SZT2: variants seen among roughly 807,000 people sequenced by gnomAD.
SZT2 encodes SZT2 subunit of KICSTOR complex, also known as KICSTOR complex protein SZT2.
A neutral mutation model predicts 404.2 loss-of-function variants in SZT2; 216 were observed. The observed-to-expected ratio is 0.53, with a 90% CI of 0.48 to 0.60. SZT2 has a LOEUF of 0.60. SZT2 is among the 20% of genes least tolerant of loss of function. The probability of loss-of-function intolerance (pLI) is 0.00; values close to 1 mark genes in which losing one functional copy is unlikely to be tolerated. For missense variants in SZT2, 3,857 were observed against 4,459.2 expected (o/e 0.86, Z 3.85); for synonymous variants, 1,693 against 1,749.9 (o/e 0.97, Z 0.81).
chr1:43,437,068 A>C lies in SZT2; in HGVS notation c.6035-103A>C, dbSNP rs1654532995. 15 of 1,414,108 alleles carry C rather than the reference A, an allele frequency of 1.1e-5. No homozygotes were observed. Among genetic ancestry groups the C allele is most frequent in the Admixed American group, 3.8e-5 (2 of 53,074 alleles). The allele number at this position is 1,414,108 out of a possible 1,614,324, so 87.6% of individuals were successfully genotyped here. On this transcript the variant is annotated intron_variant, in intron 42 of 71. Coordinates refer to ENST00000634258, the MANE Select transcript of SZT2 (RefSeq NM_001365999.1). The surrounding 1 kb of genome is among the most constrained non-coding windows in gnomAD (Gnocchi z 5.3). ...CATTTCTCTGCAATAGTCAGGGATG[A>C]GTCTGGAGGAGTGAGGACAAGTAGG...
At position 43,451,421 on chromosome 1, in the gene SZT2, TACTC is replaced by T. The variant is rs762283123; in HGVS notation, c.*944_*947del. On this transcript the variant is annotated 3_prime_UTR_variant, in exon 72 of 72. Transcript: ENST00000634258. ...GGGCCACGCCTCACCTCGAGGCTGA[TACTC>T]ACAGCCCACGAAGCCTTTGTAGCCT... is the stretch of plus-strand genomic sequence containing the variant. 62 of 1,613,104 alleles carry T rather than the reference TACTC, an allele frequency of 3.8e-5. No homozygotes were observed. The highest frequency in any genetic ancestry group is 6.7e-5 in the East Asian group (3 of 44,886).
intron 27 of SZT2, 26 bp from the exon 28 acceptor site, chr1:43,428,214 C>G: frequency 5.6e-6 from 9 of 1,614,026 alleles, no homozygotes; most frequent in Non-Finnish European, 7.6e-6. Flanking sequence ...GAGCTCAAGC[C>G]TCATGGCCCC....
chr1:43,395,206 C>T (rs577605525), intron 1 of SZT2, among the ~76,000 whole-genome samples: 4 of 152,226 alleles, frequency 2.6e-5, no homozygotes, highest in Non-Finnish European at 5.9e-5. Context: ...TCTCTCCTCA[C>T]TTAACAAACC....
chr1:43,422,285 G>A (rs1217137926), intron 12 of SZT2, 60 bp downstream of exon 12: 5 of 1,522,804 alleles, frequency 3.3e-6, no homozygotes, highest in East Asian at 2.3e-5. Flanking sequence ...GGGGGATAGG[G>A]AATGATGGGA....
Position 43,403,165 on chromosome 1 carries a change from C to T in SZT2, c.28-12C>T, listed in dbSNP as rs1472555870. 1 of 1,613,684 alleles carries T rather than the reference C, an allele frequency of 6.2e-7. No individual in the cohort carries two copies. Among genetic ancestry groups the T allele is most frequent in the African/African-American group, 1.3e-5 (1 of 75,018 alleles). ...ATTTTTTAAAGATGTATTAATGTCT[C>T]TTTGTTCCCAGGTGGAAGAAGCTGG... On this transcript the variant is annotated splice_polypyrimidine_tract_variant and intron_variant, in intron 1 of 71. Transcript: ENST00000634258.
In SZT2 at chr1:43,433,037, C is replaced by T. The variant is rs1570679912; in HGVS notation, c.5651C>T (p.Thr1884Ile). ...SGSDSEGPND[T>I]LGEKAPFTLR... is the part of the protein sequence containing the mutation. The stretch of plus-strand genomic sequence containing the variant: ...TCAGACAGTGAGGGTCCCAATGACA[C>T]CCTTGGTGAGAAGGCCCCCTTCACA... Residue 1884 changes from threonine to isoleucine, a missense_variant, in exon 40 of 72, where the codon ACC becomes ATC. This residue lies in a region of SZT2 where 1,725 missense variants were observed against 1,881.0 expected (regional missense o/e 0.92). Coordinates refer to ENST00000634258, the MANE Select transcript of SZT2 (RefSeq NM_001365999.1). 6 of 1,614,140 alleles carry T rather than the reference C, an allele frequency of 3.7e-6. No homozygotes were observed. Among genetic ancestry groups the T allele is most frequent in the African/African-American group, 1.3e-5 (1 of 75,044 alleles).
At position 43,420,437 on chromosome 1, in the gene SZT2, A is replaced by T. The variant is rs1423519461; in HGVS notation, c.1261+114A>T. The T allele has an allele frequency of 7.6e-7, 1 of 1,317,186 alleles. No homozygotes were observed. Among genetic ancestry groups the T allele is most frequent in the Admixed American group, 2.7e-5 (1 of 36,364 alleles). The allele number at this position is 1,317,186 out of a possible 1,614,324, so 81.6% of individuals were successfully genotyped here. A position where few individuals can be genotyped will look rare whatever the true frequency, so the allele number is the denominator to read the frequency against. The stretch of plus-strand genomic sequence containing the variant: ...GTCACATTGAAGTCCTTATCACTTG[A>T]GACAGTGGGTTTTGAATTGTCATCA... On this transcript the variant is annotated intron_variant, in intron 9 of 71. Coordinates refer to ENST00000634258, the MANE Select transcript of SZT2 (RefSeq NM_001365999.1). This position sits in a 1 kb window ranked among gnomAD's most constrained non-coding sequence, Gnocchi z 5.1.
chr1:43,434,203 A>G (rs575850033), intron 40 of SZT2, among the ~76,000 whole-genome samples, 183 bp from the exon 41 acceptor site: 2 of 152,216 alleles, frequency 1.3e-5, no homozygotes, highest in East Asian at 3.9e-4. Flanking sequence ...CGTCTCTTCC[A>G]TTTCCCACCA....
In SZT2 at chr1:43,451,664, C is replaced by T. The variant is rs2297686; in HGVS notation, c.*1184C>T. 4,539 of 1,614,166 alleles carry T rather than the reference C, an allele frequency of 2.8e-3. 86 individuals carry two copies. In the East Asian group the frequency reaches 0.045, roughly 16 times the overall value. Reference sequence around the variant, plus strand: ...TCCTCTCACCAACAATGGGCAGGAACTCCCGGATGTTTCCTGTCAGGTTCC... The same window carrying T: ...TCCTCTCACCAACAATGGGCAGGAATTCCCGGATGTTTCCTGTCAGGTTCC... On this transcript the variant is annotated 3_prime_UTR_variant, in exon 72 of 72. Coordinates refer to ENST00000634258, the MANE Select transcript of SZT2 (RefSeq NM_001365999.1).
At chr1:43,449,847 G>A (rs568045261) in intron 70 of SZT2, 127 of 578,014 alleles carry the variant, frequency 2.2e-4, no homozygotes, top group Non-Finnish European at 3.7e-4. Context: ...ATTGGCTTCA[G>A]TGTGCCAGGC....
chr1:43,452,752 G>C lies in SZT2; in HGVS notation c.*2272G>C. The C allele has an allele frequency of 1.3e-6, 1 of 754,166 alleles. No individual in the cohort carries two copies. The highest frequency in any genetic ancestry group is 2.2e-5 in the Admixed American group (1 of 45,522). The allele number at this position is 754,166 out of a possible 1,614,324, so 46.7% of individuals were successfully genotyped here. ...GACCAGTAGTGATCCCCTCTTGCCA[G>C]TTCCTTCTGAGCCTGTTTGGCCTCT... On this transcript the variant is annotated 3_prime_UTR_variant, in exon 72 of 72. Coordinates refer to ENST00000634258, the MANE Select transcript of SZT2 (RefSeq NM_001365999.1).
At chr1:43,431,123 C>T (rs1557568899) in intron 33 of SZT2, 33 bp downstream of exon 33, 1 of 1,608,148 alleles carries the variant, frequency 6.2e-7, no homozygotes, top group Non-Finnish European at 8.5e-7. Flanking sequence ...GGGTTTGGGA[C>T]CTTTTTAGGG....
Position 43,404,363 on chromosome 1 carries a change from T to C in SZT2, c.328-17T>C. 1.2e-6 allele frequency: 2 copies of C among 1,604,420 alleles called. No individual in the cohort carries two copies. Among genetic ancestry groups the C allele is most frequent in the South Asian group, 1.1e-5 (1 of 89,844 alleles). ...GCTGCCTTTGGACCCCCTTGAGTGC[T>C]CTTTCTCTGCCCTCAGGATGATTCC... On this transcript the variant is annotated splice_polypyrimidine_tract_variant and intron_variant, in intron 3 of 71. Transcript: ENST00000634258.
intron 66 of SZT2, 105 bp downstream of exon 66, chr1:43,447,273 G>C: frequency 2.3e-6 from 3 of 1,300,508 alleles, no homozygotes; most frequent in Non-Finnish European, 3.2e-6. Flanking sequence ...GTCCCATGTT[G>C]TTAATCATCT....
At chr1:43,447,266 C>A in intron 66 of SZT2, 98 bp downstream of exon 66, 1 of 1,342,104 alleles carries the variant, frequency 7.5e-7, no homozygotes, top group Non-Finnish European at 1.0e-6. Context: ...ACAAGTGGTC[C>A]CATGTTGTTA....
Position 43,453,285 on chromosome 1 carries a change from G to A in SZT2, c.*2805G>A. 2.6e-6 allele frequency: 2 copies of A among 766,026 alleles called. No homozygotes were observed. The highest frequency in any genetic ancestry group is 5.4e-5 in the East Asian group (2 of 36,850). 47.5% of individuals were successfully genotyped at this position (766,026 alleles called of 1,614,324 possible). On this transcript the variant is annotated 3_prime_UTR_variant, in exon 72 of 72. Coordinates refer to ENST00000634258, the MANE Select transcript of SZT2 (RefSeq NM_001365999.1). ...ACCGCAGAGGCAGAGATAAACCAGT[G>A]GGCTCAGACTTCTGAGCGTCTCAGA... is the stretch of plus-strand genomic sequence containing the variant.
chr1:43,426,765 G>T lies in SZT2; in HGVS notation c.3265G>T (p.Val1089Phe), dbSNP rs1653198741. The change falls in exon 23 of 72, where the codon GTC (valine) becomes TTC (phenylalanine). Residue 1089 changes from valine to phenylalanine, a missense_variant. By Grantham distance (50) the Val-to-Phe change is conservative. Coordinates refer to ENST00000634258, the MANE Select transcript of SZT2 (RefSeq NM_001365999.1). The surrounding 1 kb of genome is among the most constrained non-coding windows in gnomAD (Gnocchi z 4.9). ...GVHGIPKEQA[V>F]GSTQATGDSA... is the part of the protein sequence containing the mutation. ...TCATGGGATCCCGAAGGAGCAAGCAGTCGGCAGCACCCAGGCCACAGGAGA... is the reference window on the plus strand; with the variant it reads ...TCATGGGATCCCGAAGGAGCAAGCATTCGGCAGCACCCAGGCCACAGGAGA... 2 of 1,613,834 alleles carry T rather than the reference G, an allele frequency of 1.2e-6. No individual in the cohort carries two copies. Among genetic ancestry groups the T allele is most frequent in the African/African-American group, 1.3e-5 (1 of 75,050 alleles).
At chr1:43,418,990 A>G (rs1209992641) in intron 7 of SZT2, among the ~76,000 whole-genome samples, 1 of 152,238 alleles carries the variant, frequency 6.6e-6, no homozygotes, top group Non-Finnish European at 1.5e-5. Flanking sequence ...GGAATAGAGT[A>G]AGTTACTGGA....
chr1:43,422,213 T>C lies in SZT2; in HGVS notation c.1757T>C (p.Leu586Pro). 6.3e-7 allele frequency: 1 copy of C among 1,585,070 alleles called. No individual in the cohort carries two copies. The highest frequency in any genetic ancestry group is 8.6e-7 in the Non-Finnish European group (1 of 1,169,524). The change falls in exon 12 of 72, where the codon CTG (leucine) becomes CCG (proline). Residue 586 changes from leucine to proline, a missense_variant. By Grantham distance (98) the Leu-to-Pro change is moderately conservative. This residue lies in a region of SZT2 where 1,725 missense variants were observed against 1,881.0 expected (regional missense o/e 0.92). Transcript: ENST00000634258. ...CACATGCATCGCCTGGTGCTAATCC[T>C]GGAGCATGACACGTGGGTGCCCTTA... ...WLHMHRLVLI[L>P]EHDTPIPKHL...
Sources: allele counts gnomAD v4.1 joint callset (sites outside exome capture counted in the v4.1 genomes callset), GRCh38; gene constraint gnomAD v4.1.1; regional missense constraint gnomAD v4.1.1; non-coding constraint Gnocchi (gnomAD v3.1); transcripts MANE v1.5; gene names NCBI Gene and HGNC (gene_info 2026-07-23, HGNC 2026-07-21).